The following RNLS variants were observed in gnomAD, a reference collection of about 807,000 sequenced individuals.
The protein encoded by RNLS is renalase.
RNLS carries 39 observed loss-of-function variants against 39.8 expected under a neutral mutation model. That is an observed-to-expected ratio of 0.98 (90% CI 0.76 to 1.28). RNLS has a LOEUF of 1.28. Ranked by LOEUF, RNLS falls within the 50% of genes most tolerant of loss-of-function variation. RNLS has a pLI of 0.00. For missense variants in RNLS, 410 were observed against 413.3 expected (o/e 0.99, Z 0.07); for synonymous variants, 147 against 150.7 (o/e 0.98, Z 0.18).
In RNLS at chr10:88,472,568, G is replaced by T. The variant is rs570925698; in HGVS notation, c.526+100335C>A. On this transcript the variant is annotated intron_variant, in intron 4 of 6. Transcript: ENST00000331772. ...AGGTAAGAATTTCCTAGGAATATAAGCTTCTGTGGTTATAGGTAAAAGCCT... is the reference window on the plus strand; with the variant it reads ...AGGTAAGAATTTCCTAGGAATATAATCTTCTGTGGTTATAGGTAAAAGCCT... Among the ~76,000 whole-genome samples the T allele has an allele frequency of 9.8e-5, 15 of 152,294 alleles. No homozygotes were observed. In the East Asian group the frequency reaches 2.3e-3, roughly 24 times the overall value.
chr10:88,242,167 T>C, the RNLS span, among the ~76,000 whole-genome samples: 1 of 152,224 alleles, frequency 6.6e-6, no homozygotes, highest in Non-Finnish European at 1.5e-5. Context: ...GTCCCTTTCC[T>C]CTATTTTAAG....
At chr10:88,482,505 T>C (rs2134024559) in intron 4 of RNLS, among the ~76,000 whole-genome samples, 2 of 152,290 alleles carry the variant, frequency 1.3e-5, no homozygotes, top group South Asian at 4.1e-4. Flanking sequence ...CTTTTTTCTT[T>C]TTATAACTTA....
In RNLS at chr10:88,444,809, T is replaced by C. The variant is rs193294909; in HGVS notation, c.527-82084A>G. Among the ~76,000 whole-genome samples the C allele has an allele frequency of 2.6e-5, 4 of 152,102 alleles. No individual in the cohort carries two copies. In the East Asian group the frequency reaches 7.7e-4, roughly 29 times the overall value. On this transcript the variant is annotated intron_variant, in intron 4 of 6. Transcript: ENST00000331772. ...AGAAATGAACAAAGCCTCCAAGAAA[T>C]ATGGGACTATGTGAAAAGACCAAAT...
chr10:88,274,635 T>C (rs1249446744), exon 7 of RNLS: 1 of 246,676 alleles, frequency 4.1e-6, no homozygotes. Flanking sequence ...CTGTTGTGAA[T>C]AAAGCCGCTG....
the RNLS span, among the ~76,000 whole-genome samples, chr10:88,232,718 G>A: frequency 6.6e-6 from 1 of 152,226 alleles, no homozygotes; most frequent in African/African-American, 2.4e-5. Flanking sequence ...ATGGGGCAGG[G>A]CCCCTAGTGA....
the RNLS span, among the ~76,000 whole-genome samples, chr10:88,267,518 T>C: frequency 6.6e-6 from 1 of 152,178 alleles, no homozygotes; most frequent in Non-Finnish European, 1.5e-5. Context: ...CAAGGCGCAG[T>C]GAGCTACAAT....
chr10:88,447,789 G>C (rs1240156437), intron 4 of RNLS, among the ~76,000 whole-genome samples: 1 of 152,212 alleles, frequency 6.6e-6, no homozygotes, highest in African/African-American at 2.4e-5. Context: ...AAAACAGCAG[G>C]GTACTGGTAC....
the RNLS span, among the ~76,000 whole-genome samples, chr10:88,252,263 A>G: frequency 6.6e-6 from 1 of 152,312 alleles, no homozygotes; most frequent in African/African-American, 2.4e-5. Flanking sequence ...TATGCATTTG[A>G]TAAACTATTT....
chr10:88,348,921 T>C (rs1202087962), intron 5 of RNLS, among the ~76,000 whole-genome samples: 1 of 152,244 alleles, frequency 6.6e-6, no homozygotes, highest in East Asian at 1.9e-4. Context: ...GATCCGAGCA[T>C]CTTTTTATAT....
chr10:88,533,708 T>C (rs927513076), intron 4 of RNLS, among the ~76,000 whole-genome samples: 1 of 152,066 alleles, frequency 6.6e-6, no homozygotes, highest in Non-Finnish European at 1.5e-5. Context: ...CAGGGGATTC[T>C]GACAGACAGA....
chr10:88,320,159 A>G (rs1475399587), intron 5 of RNLS, among the ~76,000 whole-genome samples: 1 of 152,074 alleles, frequency 6.6e-6, no homozygotes, highest in African/African-American at 2.4e-5. Flanking sequence ...AAGGAAAAAA[A>G]AAAAAAGTCA....
the RNLS span, among the ~76,000 whole-genome samples, chr10:88,257,370 T>C: frequency 2.6e-5 from 4 of 152,190 alleles, no homozygotes; most frequent in Non-Finnish European, 4.4e-5. Context: ...CAGATTCATA[T>C]CAGGACAATA....
chr10:88,254,526 A>G, the RNLS span, among the ~76,000 whole-genome samples: 2 of 152,224 alleles, frequency 1.3e-5, no homozygotes, highest in African/African-American at 4.8e-5. Flanking sequence ...GGCAGAGGTG[A>G]CAGAACTTCC....
the RNLS span, among the ~76,000 whole-genome samples, chr10:88,221,409 C>T: frequency 6.6e-6 from 1 of 152,172 alleles, no homozygotes; most frequent in Non-Finnish European, 1.5e-5. Flanking sequence ...CTAGAATAAA[C>T]TGCTTCTTGC....
chr10:88,528,075 A>T (rs1847211752), intron 4 of RNLS, among the ~76,000 whole-genome samples: 1 of 152,036 alleles, frequency 6.6e-6, no homozygotes, highest in Admixed American at 6.6e-5. Flanking sequence ...AACAAAAAAT[A>T]TTCAGAAAAG....
chr10:88,185,988 C>A, the RNLS span, among the ~76,000 whole-genome samples: 2 of 152,088 alleles, frequency 1.3e-5, no homozygotes, highest in African/African-American at 4.8e-5. Context: ...CTCTTCTTTC[C>A]TGGAAAATAT....
chr10:88,216,873 T>G, the RNLS span, among the ~76,000 whole-genome samples: 1 of 152,228 alleles, frequency 6.6e-6, no homozygotes. Context: ...CTGCAGTCCC[T>G]GGGTACCCAC....
At chr10:88,272,710 C>G (rs917241968), downstream of RNLS, among the ~76,000 whole-genome samples, 17 of 152,112 alleles carry the variant, frequency 1.1e-4, no homozygotes, top group African/African-American at 4.1e-4. Context: ...ATCCTTCAAC[C>G]CCAGCCGTGC....
intron 6 of RNLS, among the ~76,000 whole-genome samples, chr10:88,306,908 GATGCAA>G (rs1844963249): frequency 6.6e-6 from 1 of 152,050 alleles, no homozygotes; most frequent in East Asian, 1.9e-4. Context: ...CTTGAACATT[GATGCAA>G]AAATCTTCAA....
Sources: gnomAD v4.1 joint callset for allele counts (sites outside exome capture counted in the v4.1 genomes callset) on GRCh38, gnomAD v4.1.1 for gene constraint, MANE v1.5 for transcripts, NCBI Gene and HGNC (gene_info 2026-07-23, HGNC 2026-07-21) for gene names.